Variants in SOBP observed in about 807,000 individuals in gnomAD.
The protein encoded by SOBP is sine oculis binding protein homolog.
SOBP carries 4 observed loss-of-function variants against 53.6 expected under a neutral mutation model. That is an observed-to-expected ratio of 0.07 (90% CI 0.04 to 0.17). The LOEUF is 0.17. Ranked by LOEUF, SOBP falls within the 10% of genes least tolerant of loss-of-function variation. The probability of loss-of-function intolerance (pLI) is 1.00; values close to 1 mark genes in which losing one functional copy is unlikely to be tolerated. For synonymous variants in SOBP, 584 were observed against 522.6 expected, an observed-to-expected ratio of 1.12 and a Z score of -1.60; for missense variants, 1,088 against 1,204.7, an observed-to-expected ratio of 0.90 and a Z score of 1.43.
intron 3 of SOBP, among the ~76,000 whole-genome samples, chr6:107,519,338 G>A (rs1282331426): frequency 6.6e-6 from 1 of 151,206 alleles, no homozygotes; most frequent in Non-Finnish European, 1.5e-5. Context: ...CAATTATCCA[G>A]CTGAAAATAT....
intron 4 of SOBP, among the ~76,000 whole-genome samples, chr6:107,574,812 G>T (rs1785178044): frequency 6.6e-6 from 1 of 152,170 alleles, no homozygotes; most frequent in South Asian, 2.1e-4. Flanking sequence ...CAGCCTATGA[G>T]ATTGGCTCTC....
At chr6:107,514,838 T>A (rs900933351) in intron 3 of SOBP, 1 of 152,248 alleles carries the variant, frequency 6.6e-6, no homozygotes, top group African/African-American at 2.4e-5. Context: ...TGTTTTAATG[T>A]GCTTTAACAG....
At chr6:107,620,158 G>A (rs547763372) in intron 5 of SOBP, among the ~76,000 whole-genome samples, 15 of 152,286 alleles carry the variant, frequency 9.8e-5, no homozygotes, top group African/African-American at 3.1e-4. Flanking sequence ...CCACTGGACT[G>A]CCTTACTGCT....
intron 4 of SOBP, among the ~76,000 whole-genome samples, chr6:107,562,621 GCAAA>G (rs1481661340): frequency 1.3e-5 from 2 of 152,148 alleles, no homozygotes; most frequent in Non-Finnish European, 2.9e-5. Flanking sequence ...TTGTTCTGGG[GCAAA>G]CAGTTATTTC....
At chr6:107,655,573 C>T (rs765751497) in intron 6 of SOBP, among the ~76,000 whole-genome samples, 25 of 152,198 alleles carry the variant, frequency 1.6e-4, no homozygotes, top group Non-Finnish European at 2.1e-4. Flanking sequence ...TTCAGAGCAG[C>T]AGGACTAGGG....
intron 4 of SOBP, among the ~76,000 whole-genome samples, chr6:107,549,980 C>A (rs1194015821): frequency 6.6e-6 from 1 of 152,164 alleles, no homozygotes; most frequent in East Asian, 1.9e-4. Context: ...CTTACTCATT[C>A]CTGGGAAGCC....
rs1772266972 is a variant in SOBP, at chr6:107,660,885, C to T, written c.*2682C>T. Among the ~76,000 whole-genome samples the T allele has an allele frequency of 1.3e-5, 2 of 152,184 alleles. No individual in the cohort carries two copies. The highest frequency in any genetic ancestry group is 4.8e-5 in the African/African-American group (2 of 41,432). The stretch of plus-strand genomic sequence containing the variant: ...CTTGAAGTGATCATCCTGTGGATTC[C>T]GGAGACCTGATTTTCTTCTCCCATG... On this transcript the variant is annotated 3_prime_UTR_variant, in exon 7 of 7. Transcript: ENST00000317357.
intron 1 of SOBP, among the ~76,000 whole-genome samples, chr6:107,490,936 A>G (rs1214916908): frequency 6.6e-6 from 1 of 152,018 alleles, no homozygotes; most frequent in Non-Finnish European, 1.5e-5. Flanking sequence ...ACCACATACT[A>G]TTTAACCTTA....
chr6:107,503,691 G>C lies in SOBP; in HGVS notation c.131G>C (p.Gly44Ala). Residue 44 changes from glycine (G) to alanine (A), a missense_variant, in exon 2 of 7, where the codon GGC becomes GCC. This residue lies in a region of SOBP where 8 missense variants were observed against 26.2 expected (regional missense o/e 0.30). Transcript: ENST00000317357. ...GAAAACACCATGAATGAACTCCTTGGCTGGTATGGCTATGATAAGGTTGAA... is the reference window on the plus strand; with the variant it reads ...GAAAACACCATGAATGAACTCCTTGCCTGGTATGGCTATGATAAGGTTGAA... ...FAENTMNELL[G>A]WYGYDKVELK... 1 of 1,614,134 alleles carries C rather than the reference G, an allele frequency of 6.2e-7. No individual in the cohort carries two copies.
intron 5 of SOBP, among the ~76,000 whole-genome samples, chr6:107,623,511 CA>C (rs1770313787): frequency 6.6e-6 from 1 of 152,002 alleles, no homozygotes; most frequent in Non-Finnish European, 1.5e-5. Flanking sequence ...GTACCAATCC[CA>C]AGTCAGGGGG....
chr6:107,546,579 G>A (rs1784307259), intron 4 of SOBP, among the ~76,000 whole-genome samples: 1 of 152,146 alleles, frequency 6.6e-6, no homozygotes, highest in East Asian at 1.9e-4. Flanking sequence ...GCACTCATGT[G>A]CACACAGAAA....
chr6:107,631,894 T>A (rs1770728817), intron 5 of SOBP, among the ~76,000 whole-genome samples: 1 of 152,152 alleles, frequency 6.6e-6, no homozygotes, highest in South Asian at 2.1e-4. Flanking sequence ...CCTGCAAATA[T>A]CAGTGGAAAA....
chr6:107,574,914 G>C (rs768225265), intron 4 of SOBP, among the ~76,000 whole-genome samples: 4 of 152,224 alleles, frequency 2.6e-5, no homozygotes, highest in Non-Finnish European at 4.4e-5. Context: ...AGAGACCAGA[G>C]GGCGAGTTAC....
intron 3 of SOBP, among the ~76,000 whole-genome samples, chr6:107,530,821 T>G (rs1783801909): frequency 6.6e-6 from 1 of 152,244 alleles, no homozygotes; most frequent in African/African-American, 2.4e-5. Context: ...GTGCACAATG[T>G]ATTTGGTCTC....
intron 4 of SOBP, among the ~76,000 whole-genome samples, chr6:107,577,468 G>T (rs189341954): frequency 1.2e-4 from 19 of 152,318 alleles, no homozygotes; most frequent in Non-Finnish European, 2.6e-4. Context: ...TTCACTGATT[G>T]GTCCAGGGAT....
At chr6:107,524,245 C>G (rs1409628639) in intron 3 of SOBP, among the ~76,000 whole-genome samples, 1 of 152,212 alleles carries the variant, frequency 6.6e-6, no homozygotes, top group Non-Finnish European at 1.5e-5. Flanking sequence ...TGCTGGAGCA[C>G]ACTTTTTGAT....
intron 4 of SOBP, among the ~76,000 whole-genome samples, chr6:107,566,335 A>G (rs554298440): frequency 1.5e-4 from 23 of 152,274 alleles, no homozygotes; most frequent in Non-Finnish European, 3.2e-4. Context: ...CAAAATCCTT[A>G]TGTTTGTTCA....
intron 3 of SOBP, among the ~76,000 whole-genome samples, chr6:107,512,035 A>G (rs1206152121): frequency 6.6e-6 from 1 of 152,160 alleles, no homozygotes; most frequent in Admixed American, 6.5e-5. Context: ...GGAAATGAAC[A>G]GAATAAGGCT....
chr6:107,525,448 A>T (rs1329958975), intron 3 of SOBP, among the ~76,000 whole-genome samples: 1 of 152,220 alleles, frequency 6.6e-6, no homozygotes, highest in Non-Finnish European at 1.5e-5. Flanking sequence ...GTCCTTCTTC[A>T]TTGGAGTACG....
Sources: allele counts gnomAD v4.1 joint callset (sites outside exome capture counted in the v4.1 genomes callset), GRCh38; gene constraint gnomAD v4.1.1; regional missense constraint gnomAD v4.1.1; transcripts MANE v1.5; gene names NCBI Gene and HGNC (gene_info 2026-07-23, HGNC 2026-07-21).